Variants in PPP1R12A observed in about 807,000 individuals in gnomAD.
PPP1R12A encodes myosin binding subunit.
A neutral mutation model predicts 139.6 loss-of-function variants in PPP1R12A; 19 were observed. That is an observed-to-expected ratio of 0.14 (90% CI 0.09 to 0.20). PPP1R12A has a LOEUF of 0.20. PPP1R12A is among the 10% of genes least tolerant of loss of function. The pLI is 1.00. For missense variants in PPP1R12A, 925 were observed against 1,211.5 expected (o/e 0.76, Z 3.51); for synonymous variants, 427 against 420.6 (o/e 1.02, Z -0.19).
chr12:79,872,665 A>G, intron 2 of PPP1R12A, 143 bp downstream of exon 2: 1 of 944,420 alleles, frequency 1.1e-6, no homozygotes, highest in Non-Finnish European at 1.5e-6. Context: ...ATTCCCAATA[A>G]CCACTTATTT....
intron 1 of PPP1R12A, among the ~76,000 whole-genome samples, chr12:79,930,502 G>C (rs893644840): frequency 2.0e-5 from 3 of 152,210 alleles, no homozygotes; most frequent in Non-Finnish European, 4.4e-5. Flanking sequence ...GCTAGGTGCG[G>C]TGGCTCACGC....
intron 9 of PPP1R12A, among the ~76,000 whole-genome samples, chr12:79,815,779 C>T (rs1259716089): frequency 6.6e-6 from 1 of 152,108 alleles, no homozygotes; most frequent in Non-Finnish European, 1.5e-5. Flanking sequence ...CTGAAGCATA[C>T]ATAATTATTA....
chr12:79,845,532 A>G (rs1879270347), intron 2 of PPP1R12A, 112 bp from the exon 3 acceptor site: 1 of 719,322 alleles, frequency 1.4e-6, no homozygotes, highest in Admixed American at 3.0e-5. Context: ...AGGGCAGTAT[A>G]TACATTATTT....
At chr12:79,781,696 T>A (rs1565735059) in intron 23 of PPP1R12A, 119 bp downstream of exon 23, 2 of 531,162 alleles carry the variant, frequency 3.8e-6, no homozygotes, top group East Asian at 3.2e-5. Flanking sequence ...ATTAACTCAA[T>A]AAATATTTAA....
At chr12:79,882,854 C>T (rs536863954) in intron 1 of PPP1R12A, among the ~76,000 whole-genome samples, 1 of 152,170 alleles carries the variant, frequency 6.6e-6, no homozygotes, top group Admixed American at 6.6e-5. Flanking sequence ...AGACCCTCCA[C>T]TAGGCCAGGC....
Position 79,817,535 on chromosome 12 carries a change from AT to A in PPP1R12A, c.1115-18del. 2 of 1,560,178 alleles carry A rather than the reference AT, an allele frequency of 1.3e-6. No homozygotes were observed. The highest frequency in any genetic ancestry group is 1.7e-6 in the Non-Finnish European group (2 of 1,150,394). ...TTGTCTTATCTATTAAAGACAAACAATTAAGAGTCAAGATTCCATATATATT... is the reference window on the plus strand; with the variant it reads ...TTGTCTTATCTATTAAAGACAAACAATAAGAGTCAAGATTCCATATATATT... On this transcript the variant is annotated intron_variant, in intron 8 of 24. Coordinates refer to ENST00000450142, the MANE Select transcript of PPP1R12A (RefSeq NM_002480.3).
At chr12:79,858,887 C>T (rs943225155) in intron 2 of PPP1R12A, among the ~76,000 whole-genome samples, 2 of 152,112 alleles carry the variant, frequency 1.3e-5, no homozygotes, top group Non-Finnish European at 2.9e-5. Context: ...TGGCTTCTAC[C>T]CTGAATGCAG....
intron 1 of PPP1R12A, among the ~76,000 whole-genome samples, chr12:79,875,644 C>A (rs1436226865): frequency 2.6e-5 from 4 of 152,044 alleles, no homozygotes; most frequent in Admixed American, 2.0e-4. Context: ...TGGTTTATTG[C>A]CAAAAGATCT....
At chr12:79,914,971 T>C (rs753469149) in intron 1 of PPP1R12A, among the ~76,000 whole-genome samples, 6 of 152,098 alleles carry the variant, frequency 3.9e-5, no homozygotes, top group Non-Finnish European at 8.8e-5. Flanking sequence ...TTCTATGAGA[T>C]ACTATAATCT....
intron 4 of PPP1R12A, among the ~76,000 whole-genome samples, chr12:79,830,271 A>G (rs992961105): frequency 6.6e-6 from 1 of 152,176 alleles, no homozygotes; most frequent in Non-Finnish European, 1.5e-5. Context: ...TTTTTTTACA[A>G]TAAATACAAA....
At chr12:79,799,999 CAA>C (rs575867045) in intron 14 of PPP1R12A, among the ~76,000 whole-genome samples, 1 of 145,866 alleles carries the variant, frequency 6.9e-6, no homozygotes, top group Non-Finnish European at 1.5e-5. Flanking sequence ...AATTGAGACT[CAA>C]AAAAAAAAGT....
At chr12:79,799,176 TCTCG>T (rs1485702512) in intron 14 of PPP1R12A, among the ~76,000 whole-genome samples, 1 of 152,152 alleles carries the variant, frequency 6.6e-6, no homozygotes, top group African/African-American at 2.4e-5. Flanking sequence ...TGAGACAAAG[TCTCG>T]CTCTGTCGCC....
At chr12:79,897,561 AAAAGC>A (rs1465230882) in intron 1 of PPP1R12A, among the ~76,000 whole-genome samples, 1 of 152,186 alleles carries the variant, frequency 6.6e-6, no homozygotes, top group African/African-American at 2.4e-5. Context: ...CAGGTTACCA[AAAAGC>A]AAAACAAAAC....
chr12:79,776,355 C>G (rs1869721736), intron 24 of PPP1R12A, among the ~76,000 whole-genome samples: 2 of 152,102 alleles, frequency 1.3e-5, no homozygotes, highest in Non-Finnish European at 2.9e-5. Flanking sequence ...AAAGAGGTTC[C>G]TGTCAGCACC....
intron 1 of PPP1R12A, among the ~76,000 whole-genome samples, chr12:79,928,387 C>G (rs1888004748): frequency 6.6e-6 from 1 of 152,140 alleles, no homozygotes; most frequent in Admixed American, 6.5e-5. Flanking sequence ...CCATATATGG[C>G]TAGGGTTGCC....
intron 1 of PPP1R12A, among the ~76,000 whole-genome samples, chr12:79,925,261 C>CGTGTGTGT (rs146017455): frequency 8.7e-5 from 13 of 149,556 alleles, no homozygotes; most frequent in African/African-American, 2.9e-4. Flanking sequence ...CATACGTGTA[C>CGTGTGTGT]GTGTGTGTGT....
chr12:79,822,067 A>G (rs755503449), intron 6 of PPP1R12A, 49 bp downstream of exon 6: 19 of 1,299,552 alleles, frequency 1.5e-5, no homozygotes, highest in Non-Finnish European at 1.4e-5. Context: ...TCTCAAATTC[A>G]AAATTATTAA....
At chr12:79,915,092 C>T (rs1886888540) in intron 1 of PPP1R12A, among the ~76,000 whole-genome samples, 1 of 152,096 alleles carries the variant, frequency 6.6e-6, no homozygotes, top group African/African-American at 2.4e-5. Context: ...GTTGGTCTAA[C>T]ACTGTAGGTA....
chr12:79,858,814 T>C (rs559775851), intron 2 of PPP1R12A, among the ~76,000 whole-genome samples: 13 of 151,536 alleles, frequency 8.6e-5, no homozygotes, highest in African/African-American at 2.9e-4. Flanking sequence ...TAGAAAAGAG[T>C]GGAGGATGGA....
Sources: allele counts gnomAD v4.1 joint callset (sites outside exome capture counted in the v4.1 genomes callset), GRCh38; gene constraint gnomAD v4.1.1; transcripts MANE v1.5; gene names NCBI Gene and HGNC (gene_info 2026-07-23, HGNC 2026-07-21).